The following RSRC1 variants were observed in gnomAD, a reference collection of about 807,000 sequenced individuals.
The protein encoded by RSRC1 is arginine and serine rich coiled-coil 1.
Under a neutral mutation model 49.1 loss-of-function variants are expected in RSRC1, and 39 were observed. The observed-to-expected ratio is 0.79, with a 90% CI of 0.61 to 1.04. RSRC1 has a LOEUF of 1.04. Among genes scored for constraint, RSRC1 ranks in the 50% least tolerant of loss-of-function variants. The pLI, the probability that RSRC1 is intolerant of heterozygous loss-of-function variation, is 0.00. For synonymous variants in RSRC1, 143 were observed against 130.8 expected, an observed-to-expected ratio of 1.09 and a Z score of -0.63; for missense variants, 388 against 402.4, an observed-to-expected ratio of 0.96 and a Z score of 0.31.
chr3:158,229,543 G>GTT (rs1220610325), intron 4 of RSRC1, among the ~76,000 whole-genome samples: 51 of 132,824 alleles, frequency 3.8e-4, no homozygotes, highest in African/African-American at 1.2e-3. Context: ...TGTGTTTTTT[G>GTT]TTTTTTTTTT....
intron 7 of RSRC1, among the ~76,000 whole-genome samples, chr3:158,507,718 T>TA (rs377006417): frequency 6.6e-6 from 1 of 152,158 alleles, no homozygotes; most frequent in African/African-American, 2.4e-5. Context: ...CAAGAATGCT[T>TA]GAGTGTCCAA....
At chr3:158,249,033 G>C (rs1436385560) in intron 4 of RSRC1, among the ~76,000 whole-genome samples, 1 of 152,032 alleles carries the variant, frequency 6.6e-6, no homozygotes, top group African/African-American at 2.4e-5. Flanking sequence ...CCATTTTTCT[G>C]ATACCTAATA....
chr3:158,233,476 G>C (rs975037117), intron 4 of RSRC1, among the ~76,000 whole-genome samples: 6 of 152,112 alleles, frequency 3.9e-5, no homozygotes, highest in Non-Finnish European at 5.9e-5. Flanking sequence ...AATAACTCAT[G>C]ATTATCTAAG....
intron 7 of RSRC1, among the ~76,000 whole-genome samples, chr3:158,483,548 A>T (rs1030548852): frequency 5.3e-5 from 8 of 152,090 alleles, no homozygotes; most frequent in African/African-American, 1.4e-4. Context: ...TTAATGTGTG[A>T]CAGTCTGAGA....
chr3:158,336,853 C>T (rs1472690069), intron 5 of RSRC1: 2 of 151,896 alleles, frequency 1.3e-5, no homozygotes, highest in African/African-American at 4.9e-5. Flanking sequence ...TTCCCACACT[C>T]ATTTATTTCT....
At chr3:158,393,737 A>C (rs560799963) in intron 6 of RSRC1, among the ~76,000 whole-genome samples, 1 of 152,190 alleles carries the variant, frequency 6.6e-6, no homozygotes, top group African/African-American at 2.4e-5. Flanking sequence ...CCAGATGTAT[A>C]AAGAAGAGCT....
intron 6 of RSRC1, among the ~76,000 whole-genome samples, chr3:158,396,358 C>T (rs1437639702): frequency 6.6e-6 from 1 of 150,928 alleles, no homozygotes; most frequent in Non-Finnish European, 1.5e-5. Context: ...TTTTTAAAAT[C>T]CCAATTATAA....
At chr3:158,276,218 A>G (rs1725803465) in intron 4 of RSRC1, 1 of 783,202 alleles carries the variant, frequency 1.3e-6, no homozygotes, top group South Asian at 1.3e-5. Flanking sequence ...TTCGGCCACC[A>G]TGGCGAATAC....
intron 4 of RSRC1, among the ~76,000 whole-genome samples, chr3:158,249,162 G>GT (rs1181887128): frequency 6.6e-6 from 1 of 152,062 alleles, no homozygotes; most frequent in Admixed American, 6.6e-5. Context: ...TTAACATTCA[G>GT]TAAGCTGCAT....
intron 3 of RSRC1, among the ~76,000 whole-genome samples, chr3:158,199,441 C>T (rs767035750): frequency 1.8e-4 from 28 of 152,124 alleles, no homozygotes; most frequent in African/African-American, 4.6e-4. Context: ...TGATGAGTTT[C>T]GCTGAGACAT....
chr3:158,540,150 T>A (rs1712955072), intron 8 of RSRC1, among the ~76,000 whole-genome samples: 1 of 152,158 alleles, frequency 6.6e-6, no homozygotes, highest in Non-Finnish European at 1.5e-5. Context: ...TTGGGCTTTT[T>A]AAATGTTCTC....
At chr3:158,486,375 C>T (rs9877427) in intron 7 of RSRC1, among the ~76,000 whole-genome samples, 1,770 of 152,240 alleles carry the variant, frequency 0.012, 25 homozygotes, top group African/African-American at 0.041. Flanking sequence ...CTATCTCTTC[C>T]AGGCACCATG....
intron 6 of RSRC1, among the ~76,000 whole-genome samples, chr3:158,455,392 C>T (rs1184652219): frequency 6.6e-6 from 1 of 152,052 alleles, no homozygotes; most frequent in Admixed American, 6.6e-5. Context: ...TCAGTATTTT[C>T]CAATTCTTGA....
intron 4 of RSRC1, among the ~76,000 whole-genome samples, chr3:158,232,902 A>G (rs1460094809): frequency 6.6e-6 from 1 of 152,152 alleles, no homozygotes; most frequent in African/African-American, 2.4e-5. Context: ...AGATATTTTA[A>G]ATGTTTTGGT....
chr3:158,274,812 A>G (rs1441570948), intron 4 of RSRC1, among the ~76,000 whole-genome samples: 2 of 152,198 alleles, frequency 1.3e-5, no homozygotes. Context: ...TTGGCCAGGA[A>G]CAAGAGAAAT....
intron 6 of RSRC1, among the ~76,000 whole-genome samples, chr3:158,390,992 A>G (rs1398161184): frequency 1.3e-5 from 2 of 152,166 alleles, no homozygotes; most frequent in Non-Finnish European, 2.9e-5. Flanking sequence ...AAGACATTTT[A>G]TCTTTGAATT....
intron 7 of RSRC1, among the ~76,000 whole-genome samples, chr3:158,471,540 A>T (rs996341264): frequency 2.6e-5 from 4 of 152,208 alleles, no homozygotes; most frequent in African/African-American, 9.6e-5. Context: ...TCAAAGTAAC[A>T]GTATCTCACT....
At chr3:158,360,857 C>T (rs73170337) in intron 6 of RSRC1, among the ~76,000 whole-genome samples, 33,426 of 152,196 alleles carry the variant, frequency 0.22, 4,276 homozygotes, top group Non-Finnish European at 0.29. Context: ...GGGCTGCAGC[C>T]ATGCTCAGGA....
chr3:158,201,489 A>T (rs1176290462), intron 3 of RSRC1, among the ~76,000 whole-genome samples: 1 of 152,180 alleles, frequency 6.6e-6, no homozygotes, highest in South Asian at 2.1e-4. Flanking sequence ...TTAAATAAAC[A>T]TGTTAGGCAT....
Sources: allele counts gnomAD v4.1 joint callset (sites outside exome capture counted in the v4.1 genomes callset), GRCh38; gene constraint gnomAD v4.1.1; transcripts MANE v1.5; gene names NCBI Gene and HGNC (gene_info 2026-07-23, HGNC 2026-07-21).